The following RANBP9 variants were observed in gnomAD, a reference collection of about 807,000 sequenced individuals.
The protein encoded by RANBP9 is ran-binding protein 9.
Under a neutral mutation model 84.3 loss-of-function variants are expected in RANBP9, and 15 were observed. The observed-to-expected ratio is 0.18, with a 90% CI of 0.12 to 0.27. RANBP9 has a LOEUF of 0.27. RANBP9 is among the 10% of genes least tolerant of loss of function. The probability of loss-of-function intolerance (pLI) is 1.00; values close to 1 mark genes in which losing one functional copy is unlikely to be tolerated. For synonymous variants in RANBP9, 392 were observed against 349.6 expected, an observed-to-expected ratio of 1.12 and a Z score of -1.35; for missense variants, 809 against 912.8, an observed-to-expected ratio of 0.89 and a Z score of 1.46.
intron 2 of RANBP9, among the ~76,000 whole-genome samples, chr6:13,688,947 G>GA (rs927396841): frequency 2.0e-4 from 26 of 128,452 alleles, no homozygotes; most frequent in Non-Finnish European, 3.6e-4. Flanking sequence ...AGGAGTTCAA[G>GA]ACCAGCCTGT....
At chr6:13,656,737 A>G (rs1266638877) in intron 4 of RANBP9, among the ~76,000 whole-genome samples, 1 of 152,056 alleles carries the variant, frequency 6.6e-6, no homozygotes, top group Non-Finnish European at 1.5e-5. Context: ...TATTCCCCAC[A>G]CTATCCTAAC....
intron 3 of RANBP9, 142 bp from the exon 4 acceptor site, chr6:13,657,418 TTACAC>T: frequency 1.8e-6 from 1 of 564,822 alleles, no homozygotes; most frequent in Admixed American, 4.1e-5. Context: ...TTCTCAACAA[TTACAC>T]TACATAATTT....
rs148232946 is a variant in RANBP9 at position 13,686,884 on chromosome 6, AC to A, written c.683+9900del. Reference sequence around the variant, plus strand: ...AAACTGCTATCACAAGGACTAATTAACCCCCCAAATGACAAACCAGTGGAGA... The same window carrying A: ...AAACTGCTATCACAAGGACTAATTAACCCCCAAATGACAAACCAGTGGAGA... On this transcript the variant is annotated intron_variant, in intron 2 of 13. Transcript: ENST00000011619. Among the ~76,000 whole-genome samples, 835 of 151,906 alleles carry A rather than the reference AC, an allele frequency of 5.5e-3. 11 individuals are homozygous for A. Among genetic ancestry groups the A allele is most frequent in the African/African-American group, 0.019 (793 of 41,422 alleles).
intron 4 of RANBP9, among the ~76,000 whole-genome samples, chr6:13,656,345 CT>C (rs1044591213): frequency 5.9e-5 from 9 of 151,498 alleles, no homozygotes; most frequent in Non-Finnish European, 1.0e-4. Context: ...AAGGTGAAAT[CT>C]TTTTTTATAA....
intron 12 of RANBP9, among the ~76,000 whole-genome samples, chr6:13,629,084 CCTATACAGCAACAAT>C (rs1764703039): frequency 3.9e-5 from 6 of 151,908 alleles, no homozygotes; most frequent in Non-Finnish European, 7.4e-5. Flanking sequence ...TTGAAATAAA[CCTATACAGCAACAAT>C]AAAATATCAT....
At chr6:13,632,887 G>A (rs1295047710) in intron 11 of RANBP9, 1 of 159,472 alleles carries the variant, frequency 6.3e-6, no homozygotes, top group African/African-American at 2.5e-5. Flanking sequence ...CACTCAGGCT[G>A]CCTTAACTGA....
At position 13,650,920 on chromosome 6, in the gene RANBP9, C is replaced by T. The variant is rs1000578209; in HGVS notation, c.927+1739G>A. Among the ~76,000 whole-genome samples, 16 of 152,070 alleles carry T rather than the reference C, an allele frequency of 1.1e-4. 1 individual carries two copies. Among genetic ancestry groups the T allele is most frequent in the African/African-American group, 3.6e-4 (15 of 41,404 alleles). On this transcript the variant is annotated intron_variant, in intron 5 of 13. Transcript: ENST00000011619. The stretch of plus-strand genomic sequence containing the variant: ...CAGAGGTTGCAGTGAGCCAAGATCA[C>T]ACCACTGCACTCCAACCTGGGTGAC...
Position 13,625,729 on chromosome 6 carries a change from C to A in RANBP9, c.1983G>T (p.Trp661Cys). ...CAAGCTGATTTCCAACTGGGCTGTT[C>A]CAGGGATCTGAATATGCTAGTAGAC... ...AFSLLAYSDP[W>C]NSPVGNQLDP... The change falls in exon 13 of 14, where the codon TGG (tryptophan) becomes TGT (cysteine). Residue 661 changes from tryptophan (W) to cysteine (C), a missense_variant. Transcript: ENST00000011619. 6.2e-7 allele frequency: 1 copy of A among 1,612,552 alleles called. No individual in the cohort carries two copies. The highest frequency in any genetic ancestry group is 8.5e-7 in the Non-Finnish European group (1 of 1,178,740).
intron 1 of RANBP9, among the ~76,000 whole-genome samples, chr6:13,708,711 G>A (rs1758194623): frequency 2.0e-5 from 3 of 151,870 alleles, no homozygotes; most frequent in Admixed American, 2.0e-4. Flanking sequence ...TACTCTCTAT[G>A]ATACTTCTCC....
intron 1 of RANBP9, among the ~76,000 whole-genome samples, chr6:13,704,923 T>C (rs1431963552): frequency 1.3e-5 from 2 of 152,166 alleles, no homozygotes; most frequent in African/African-American, 2.4e-5. Context: ...TTTTCCACAG[T>C]ACTCTCTATA....
chr6:13,689,610 TC>T lies in RANBP9; in HGVS notation c.683+7174del, dbSNP rs535985327. Among the ~76,000 whole-genome samples, 13 of 152,180 alleles carry T rather than the reference TC, an allele frequency of 8.5e-5. No individual in the cohort carries two copies. In the East Asian group the frequency reaches 2.3e-3, roughly 27 times the overall value. ...TTATAACTCTTCCTTATAATCCAAG[TC>T]CCCAACAATACTGAACCATGTATCT... On this transcript the variant is annotated intron_variant, in intron 2 of 13. Transcript: ENST00000011619.
Position 13,660,501 on chromosome 6 carries a change from G to A in RANBP9, c.684-1669C>T, listed in dbSNP as rs139924542. On this transcript the variant is annotated intron_variant, in intron 2 of 13. Coordinates refer to ENST00000011619, the MANE Select transcript of RANBP9 (RefSeq NM_005493.3). ...GCACTCCACCCTGAGTGATAGACCA[G>A]GACTCTTGTCACTCAGGCTGGAGGG... 1.5e-3 allele frequency among the ~76,000 whole-genome samples: 235 copies of A among 152,158 alleles called. 4 individuals carry two copies. In the East Asian group the frequency reaches 0.016, roughly 10 times the overall value.
chr6:13,644,449 T>C, intron 6 of RANBP9, 96 bp downstream of exon 6: 1 of 1,228,498 alleles, frequency 8.1e-7, no homozygotes, highest in Admixed American at 2.5e-5. Flanking sequence ...AGTATATAAA[T>C]TAGTGGATTA....
At chr6:13,656,679 G>GATGCCCTTCATATGCTTGTGGCATCAAGC (rs1765408161) in intron 4 of RANBP9, among the ~76,000 whole-genome samples, 1 of 152,092 alleles carries the variant, frequency 6.6e-6, no homozygotes, top group Non-Finnish European at 1.5e-5. Context: ...TGAGTGTGTT[G>GATGCCCTTCATATGCTTGTGGCATCAAGC]ATGCCCTTCA....
intron 2 of RANBP9, among the ~76,000 whole-genome samples, chr6:13,678,348 A>G (rs1313527185): frequency 2.0e-5 from 3 of 152,218 alleles, no homozygotes; most frequent in Non-Finnish European, 2.9e-5. Flanking sequence ...TCAGCTGGCC[A>G]CTGCATTTAA....
intron 1 of RANBP9, among the ~76,000 whole-genome samples, chr6:13,708,689 T>C (rs1283585416): frequency 6.6e-6 from 1 of 152,148 alleles, no homozygotes; most frequent in Non-Finnish European, 1.5e-5. Flanking sequence ...TCTGTGATTT[T>C]AAAGTATTAT....
intron 2 of RANBP9, among the ~76,000 whole-genome samples, chr6:13,675,152 T>A (rs1765860518): frequency 6.6e-6 from 1 of 152,192 alleles, no homozygotes; most frequent in South Asian, 2.1e-4. Context: ...CTGAAAAGTA[T>A]CATCCATCAA....
chr6:13,648,075 ATGGATC>A (rs1227833260), intron 5 of RANBP9, among the ~76,000 whole-genome samples: 2 of 149,698 alleles, frequency 1.3e-5, no homozygotes, highest in Non-Finnish European at 3.0e-5. Context: ...TTCTAACTCT[ATGGATC>A]TGCCCATTCT....
At chr6:13,695,588 T>C (rs987892767) in intron 2 of RANBP9, among the ~76,000 whole-genome samples, 3 of 152,016 alleles carry the variant, frequency 2.0e-5, no homozygotes, top group African/African-American at 7.2e-5. Context: ...GTCAAGTTCA[T>C]ATAATTTGAA....
Sources: gnomAD v4.1 joint callset for allele counts (sites outside exome capture counted in the v4.1 genomes callset) on GRCh38, gnomAD v4.1.1 for gene constraint, MANE v1.5 for transcripts, NCBI Gene and HGNC (gene_info 2026-07-23, HGNC 2026-07-21) for gene names.